TDRD9: variants seen among roughly 807,000 people sequenced by gnomAD.
TDRD9 encodes ATP-dependent RNA helicase TDRD9.
A neutral mutation model predicts 172.6 loss-of-function variants in TDRD9; 124 were observed. That is an observed-to-expected ratio of 0.72 (90% CI 0.62 to 0.83). The LOEUF is 0.83. Among genes scored for constraint, TDRD9 ranks in the 40% least tolerant of loss-of-function variants. The pLI, the probability that TDRD9 is intolerant of heterozygous loss-of-function variation, is 0.00. For missense variants in TDRD9, 1,479 were observed against 1,714.1 expected (o/e 0.86, Z 2.42); for synonymous variants, 619 against 617.1 (o/e 1.00, Z -0.05).
chr14:103,992,083 TATAAC>T (rs1257874336), intron 9 of TDRD9, among the ~76,000 whole-genome samples: 3 of 152,332 alleles, frequency 2.0e-5, no homozygotes, highest in Non-Finnish European at 2.9e-5. Flanking sequence ...ACACTGTTAT[TATAAC>T]ACCGTGAGAA....
At chr14:103,995,653 C>G in intron 11 of TDRD9, 97 bp from the exon 12 acceptor site, 2 of 1,091,018 alleles carry the variant, frequency 1.8e-6, no homozygotes, top group Non-Finnish European at 1.3e-6. Context: ...TATTTACATT[C>G]AGAAGCTTTA....
rs1209182132 is a variant in TDRD9 at position 103,966,752 on chromosome 14, A to G, written c.686A>G (p.Tyr229Cys). The change falls in exon 5 of 36, where the codon TAT becomes TGT. Residue 229 changes from tyrosine to cysteine, a missense_variant. Physicochemically the swap from Tyr to Cys is radical, Grantham distance 194. Coordinates refer to ENST00000409874, the MANE Select transcript of TDRD9 (RefSeq NM_153046.3). ...KIATEDTRLI[Y>C]MTTGVLLQKI... ...GCAACAGAGGACACCAGGCTAATTT[A>G]TATGACAACTGGAGTCCTGCTTCAG... is the stretch of plus-strand genomic sequence containing the variant. 1.9e-6 allele frequency: 3 copies of G among 1,551,076 alleles called. No individual in the cohort carries two copies. Among genetic ancestry groups the G allele is most frequent in the Non-Finnish European group, 2.6e-6 (3 of 1,146,700 alleles).
chr14:103,958,299 G>T (rs896466150), intron 2 of TDRD9, among the ~76,000 whole-genome samples: 2 of 152,168 alleles, frequency 1.3e-5, no homozygotes, highest in Non-Finnish European at 2.9e-5. Context: ...GTGTGGGGGT[G>T]CAGGGAGGGA....
intron 2 of TDRD9, among the ~76,000 whole-genome samples, chr14:103,956,107 AAAAAATATATATAT>A (rs1445324679): frequency 3.3e-5 from 1 of 29,878 alleles, no homozygotes; most frequent in Non-Finnish European, 5.7e-5. Context: ...AAAAAAAAAA[AAAAAATATATATAT>A]ATATATATAT....
At chr14:103,988,070 G>A (rs921952758) in intron 8 of TDRD9, among the ~76,000 whole-genome samples, 1 of 151,984 alleles carries the variant, frequency 6.6e-6, no homozygotes, top group Non-Finnish European at 1.5e-5. Flanking sequence ...TCACTTTTCT[G>A]TAGTTGCTGT....
At position 104,034,151 on chromosome 14, in the gene TDRD9, A is replaced by C. The variant is rs576537022; in HGVS notation, c.3619+82A>C. 3.5e-5 allele frequency: 27 copies of C among 778,776 alleles called. No individual in the cohort carries two copies. The Middle Eastern group carries it at 6.8e-4, about 19-fold the overall frequency. 48.2% of individuals were successfully genotyped at this position (778,776 alleles called of 1,614,324 possible). A position where few individuals can be genotyped will look rare whatever the true frequency, so the allele number is the denominator to read the frequency against. ...AGCTACTAGGAACAACTTATCCTAT[A>C]ATTGGTGAACAAGTCTACACTATGT... On this transcript the variant is annotated intron_variant, in intron 31 of 35. Coordinates refer to ENST00000409874, the MANE Select transcript of TDRD9 (RefSeq NM_153046.3).
chr14:104,035,985 C>CT (rs1019622649), intron 32 of TDRD9, among the ~76,000 whole-genome samples: 3 of 146,388 alleles, frequency 2.0e-5, no homozygotes, highest in Non-Finnish European at 3.0e-5. Context: ...ATGTGTAGTG[C>CT]TTTTTTTTTT....
intron 34 of TDRD9, among the ~76,000 whole-genome samples, chr14:104,047,638 T>A (rs1488139570): frequency 3.3e-5 from 5 of 152,220 alleles, no homozygotes; most frequent in Admixed American, 6.5e-5. Flanking sequence ...GCGCTGGTGT[T>A]AAACGCGTGC....
chr14:104,022,916 A>T (rs185920379), intron 24 of TDRD9, among the ~76,000 whole-genome samples: 2 of 151,916 alleles, frequency 1.3e-5, no homozygotes, highest in East Asian at 3.9e-4. Context: ...GAGGTGGCTC[A>T]TGCCTGTAAT....
In TDRD9 at chr14:103,970,611, G is replaced by C. The variant is rs1043899460; in HGVS notation, c.836G>C (p.Arg279Pro). The change falls in exon 6 of 36, where the codon CGT (arginine) becomes CCT (proline). Residue 279 changes from arginine to proline, a missense_variant. Physicochemically the swap from Arg to Pro is moderately radical, Grantham distance 103. This residue lies in a region of TDRD9 where 1,413 missense variants were observed against 1,649.1 expected (regional missense o/e 0.86). Transcript: ENST00000409874. The part of the protein sequence containing the change: ...VVRKLLRTNS[R>P]FVKVVLMSAT... Reference sequence around the variant, plus strand: ...CGCAAACTCTTAAGAACAAATTCACGTTTTGTGAAGGTAAATTTGATTTCA... The same window carrying C: ...CGCAAACTCTTAAGAACAAATTCACCTTTTGTGAAGGTAAATTTGATTTCA... The C allele has an allele frequency of 7.1e-6, 11 of 1,548,974 alleles. No homozygotes were observed. Among genetic ancestry groups the C allele is most frequent in the African/African-American group, 1.4e-5 (1 of 72,958 alleles).
rs1271569631 is a variant in TDRD9, at chr14:103,997,721, C to T, written c.1379-903C>T. ...GGCCTCCAGGGCAGTGGGAAGAAAG[C>T]CAGTGAACACAGAGGCCTAGACACC... is the stretch of plus-strand genomic sequence containing the variant. On this transcript the variant is annotated intron_variant, in intron 12 of 35. Coordinates refer to ENST00000409874, the MANE Select transcript of TDRD9 (RefSeq NM_153046.3). This position sits in a 1 kb window ranked among gnomAD's most constrained non-coding sequence, Gnocchi z 5.1. 6.6e-6 allele frequency among the ~76,000 whole-genome samples: 1 copy of T among 152,158 alleles called. No homozygotes were observed. The highest frequency in any genetic ancestry group is 1.5e-5 in the Non-Finnish European group (1 of 68,028).
chr14:103,934,698 T>C (rs1442702588), intron 1 of TDRD9, among the ~76,000 whole-genome samples: 1 of 152,164 alleles, frequency 6.6e-6, no homozygotes, highest in Non-Finnish European at 1.5e-5. Flanking sequence ...AGGAGAATGG[T>C]GTGAACCCGG....
At chr14:103,928,919 T>A in intron 1 of TDRD9, 195 bp downstream of exon 1, 1 of 216,370 alleles carries the variant, frequency 4.6e-6, no homozygotes. Context: ...GAAGCTGAGC[T>A]AGAGGTTTTT....
intron 33 of TDRD9, 42 bp downstream of exon 33, chr14:104,040,376 C>T (rs1231800871): frequency 5.3e-5 from 79 of 1,477,626 alleles, no homozygotes; most frequent in Non-Finnish European, 7.2e-5. Flanking sequence ...CCCTGTCTCT[C>T]TCTGGTTTTG....
chr14:103,965,385 G>T lies in TDRD9; in HGVS notation c.473G>T (p.Gly158Val). Residue 158 changes from glycine to valine, a missense_variant, in exon 4 of 36, where the codon GGA (glycine) becomes GTA (valine). Physicochemically the swap from Gly to Val is moderately radical, Grantham distance 109. Around this residue, in one of 3 missense-constraint regions of TDRD9, gnomAD observed 1,413 missense variants for 1,649.1 expected, o/e 0.86. Transcript: ENST00000409874. ...GTGGTGATTATCCATGGGGCCACGG[G>T]AAGCGGTAAAAGCACTCAGCTCCCG... ...NSVVIIHGATGSGKSTQLPQY... is the reference protein window; with the variant it reads ...NSVVIIHGATVSGKSTQLPQY... The T allele has an allele frequency of 6.4e-7, 1 of 1,551,682 alleles. No individual in the cohort carries two copies. Among genetic ancestry groups the T allele is most frequent in the Non-Finnish European group, 8.7e-7 (1 of 1,146,982 alleles).
At chr14:103,959,574 C>T (rs1024752024) in intron 2 of TDRD9, among the ~76,000 whole-genome samples, 2 of 151,888 alleles carry the variant, frequency 1.3e-5, no homozygotes, top group African/African-American at 4.8e-5. Context: ...CCTCTAATTC[C>T]AGTCCAGTGC....
At chr14:103,940,890 A>C (rs2031184470) in intron 1 of TDRD9, 1 of 1,535,268 alleles carries the variant, frequency 6.5e-7, no homozygotes, top group South Asian at 1.2e-5. Flanking sequence ...TGTCTACGTA[A>C]CTGGAAATGG....
rs1281684495 is a variant in TDRD9, at chr14:104,018,145, C to T, written c.2385C>T (p.Leu795=). Residue 795 remains leucine (L), a synonymous_variant, in exon 23 of 36, where the codon CTC becomes CTT. Coordinates refer to ENST00000409874, the MANE Select transcript of TDRD9 (RefSeq NM_153046.3). ...GFLYYKQLQS[L]FRQCGQVKSI... is the part of the protein sequence containing the mutation. ...TTTACTATAAACAACTACAGTCTCT[C>T]TTTAGACAGTGTGGTCAAGTCAAAT... The T allele has an allele frequency of 6.2e-7, 1 of 1,609,182 alleles. No individual in the cohort carries two copies. Among genetic ancestry groups the T allele is most frequent in the Non-Finnish European group, 8.5e-7 (1 of 1,176,946 alleles).
At chr14:104,041,099 C>T (rs1298547086) in intron 33 of TDRD9, among the ~76,000 whole-genome samples, 1 of 152,162 alleles carries the variant, frequency 6.6e-6, no homozygotes, top group East Asian at 1.9e-4. Flanking sequence ...CATAACCACA[C>T]TGAAGGGCCG....
Sources: allele counts gnomAD v4.1 joint callset (sites outside exome capture counted in the v4.1 genomes callset), GRCh38; gene constraint gnomAD v4.1.1; regional missense constraint gnomAD v4.1.1; non-coding constraint Gnocchi (gnomAD v3.1); transcripts MANE v1.5; gene names NCBI Gene and HGNC (gene_info 2026-07-23, HGNC 2026-07-21).